ABCB11: variants seen among roughly 807,000 people sequenced by gnomAD.
The protein encoded by ABCB11 is bile salt export pump.
Under a neutral mutation model 148.0 loss-of-function variants are expected in ABCB11, and 95 were observed. The ratio of observed to expected loss-of-function variants is 0.64; its 90% confidence interval spans 0.54 to 0.76. The LOEUF is 0.76. Ranked by LOEUF, ABCB11 falls within the 30% of genes least tolerant of loss-of-function variation. The pLI, the probability that ABCB11 is intolerant of heterozygous loss-of-function variation, is 0.00. For synonymous variants in ABCB11, 591 were observed against 555.4 expected, an observed-to-expected ratio of 1.06 and a Z score of -0.90; for missense variants, 1,523 against 1,617.8, an observed-to-expected ratio of 0.94 and a Z score of 1.01.
chr2:168,951,899 G>A (rs1339750778), intron 19 of ABCB11, among the ~76,000 whole-genome samples: 1 of 151,430 alleles, frequency 6.6e-6, no homozygotes, highest in African/African-American at 2.4e-5. Flanking sequence ...CTTTTATTAT[G>A]TCGAAGTATG....
Position 168,990,939 on chromosome 2 carries a change from A to C in ABCB11, c.784-14T>G. On this transcript the variant is annotated splice_polypyrimidine_tract_variant and intron_variant, in intron 8 of 27. Coordinates refer to ENST00000650372, the MANE Select transcript of ABCB11 (RefSeq NM_003742.4). ...CTTGGACACACTCTAAAAATCAAAA[A>C]GAAGAAAAGAAAATGTGAAGTCCAA... is the stretch of plus-strand genomic sequence containing the variant. The C allele has an allele frequency of 1.2e-6, 2 of 1,608,410 alleles. No individual in the cohort carries two copies. The highest frequency in any genetic ancestry group is 1.7e-6 in the Non-Finnish European group (2 of 1,177,952).
At chr2:169,030,501 C>T (rs913699148) in intron 1 of ABCB11, among the ~76,000 whole-genome samples, 6 of 152,190 alleles carry the variant, frequency 3.9e-5, no homozygotes, top group South Asian at 2.1e-4. Context: ...GGTATAACCA[C>T]TATAATTTGT....
intron 5 of ABCB11, among the ~76,000 whole-genome samples, chr2:169,005,385 G>T (rs944060054): frequency 2.0e-5 from 3 of 152,116 alleles, no homozygotes; most frequent in African/African-American, 7.2e-5. Context: ...TGCTGTGGGG[G>T]ATGGGGGTGT....
chr2:168,989,477 G>A (rs923349444), intron 9 of ABCB11, among the ~76,000 whole-genome samples: 11 of 151,908 alleles, frequency 7.2e-5, no homozygotes, highest in Non-Finnish European at 1.5e-4. Context: ...CTTTTTCACT[G>A]GTCTATGTGT....
At chr2:169,028,963 A>G (rs1005102932) in intron 1 of ABCB11, among the ~76,000 whole-genome samples, 1 of 152,162 alleles carries the variant, frequency 6.6e-6, no homozygotes, top group Non-Finnish European at 1.5e-5. Context: ...TTCCACATTC[A>G]GGCCAAGATG....
intron 1 of ABCB11, among the ~76,000 whole-genome samples, chr2:169,019,520 A>G (rs1023981212): frequency 5.3e-5 from 8 of 152,196 alleles, no homozygotes; most frequent in African/African-American, 1.9e-4. Flanking sequence ...CAAGTCCTAC[A>G]GTTGGCTTGC....
chr2:169,027,316 C>T (rs1460640048), intron 1 of ABCB11, among the ~76,000 whole-genome samples: 1 of 152,120 alleles, frequency 6.6e-6, no homozygotes, highest in Non-Finnish European at 1.5e-5. Context: ...ATAGAATCCC[C>T]CAAGAATTCT....
intron 19 of ABCB11, 101 bp downstream of exon 19, chr2:168,957,859 GAACT>G: frequency 9.0e-7 from 1 of 1,115,508 alleles, no homozygotes; most frequent in Non-Finnish European, 1.2e-6. Context: ...TGAGAAAAAT[GAACT>G]AACAGAAAAG....
chr2:169,030,713 A>ATT (rs4148767), intron 1 of ABCB11, among the ~76,000 whole-genome samples: 53 of 150,992 alleles, frequency 3.5e-4, no homozygotes, highest in African/African-American at 9.0e-4. Flanking sequence ...TCCACAGCTC[A>ATT]TTTTTTTTTG....
chr2:168,981,574 G>T (rs942560954), intron 10 of ABCB11, among the ~76,000 whole-genome samples: 28 of 152,142 alleles, frequency 1.8e-4, no homozygotes, highest in Non-Finnish European at 3.5e-4. Context: ...TGCTGACAGT[G>T]AAGAAAGTAT....
intron 26 of ABCB11, 115 bp from the exon 27 acceptor site, chr2:168,924,918 A>C: frequency 1.2e-6 from 1 of 804,824 alleles, no homozygotes. Flanking sequence ...TGAACTAGGG[A>C]ACAGTGAGTG....
intron 19 of ABCB11, among the ~76,000 whole-genome samples, chr2:168,953,820 G>A (rs1423569700): frequency 6.6e-6 from 1 of 151,618 alleles, no homozygotes; most frequent in Non-Finnish European, 1.5e-5. Flanking sequence ...AGGGATGCCT[G>A]ATTGCCTCCT....
At chr2:168,985,003 G>C (rs1694264979) in intron 10 of ABCB11, among the ~76,000 whole-genome samples, 1 of 150,596 alleles carries the variant, frequency 6.6e-6, no homozygotes, top group Admixed American at 6.6e-5. Context: ...CAACCCACAG[G>C]ATGGGAGAAA....
At chr2:168,993,163 A>G (rs11899077) in intron 8 of ABCB11, among the ~76,000 whole-genome samples, 9,125 of 152,026 alleles carry the variant, frequency 0.06, 920 homozygotes, top group African/African-American at 0.21. Context: ...GAAATGGAGA[A>G]CACAGTTGTG....
At chr2:168,968,527 C>T (rs759971868) in intron 16 of ABCB11, 37 bp from the exon 17 acceptor site, 1 of 1,544,504 alleles carries the variant, frequency 6.5e-7, no homozygotes, top group Middle Eastern at 1.7e-4. Context: ...TTAGTATATA[C>T]AATAAACAGA....
chr2:168,943,009 C>A (rs937306382), intron 21 of ABCB11, among the ~76,000 whole-genome samples: 25 of 151,878 alleles, frequency 1.6e-4, no homozygotes, highest in African/African-American at 5.8e-4. Context: ...ATAAGTTTGA[C>A]CTGGGCTAGC....
At chr2:168,996,777 G>T in intron 5 of ABCB11, 55 bp from the exon 6 acceptor site, 1 of 1,039,736 alleles carries the variant, frequency 9.6e-7, no homozygotes, top group Non-Finnish European at 1.4e-6. Flanking sequence ...AGCCACCAGA[G>T]ATTACATTTG....
At chr2:168,932,186 G>A (rs890720034) in intron 24 of ABCB11, among the ~76,000 whole-genome samples, 191 bp downstream of exon 24, 6 of 152,052 alleles carry the variant, frequency 3.9e-5, no homozygotes, top group African/African-American at 1.2e-4. Context: ...AGGCCCCGGT[G>A]TGTGATGTTC....
At chr2:168,964,973 C>T (rs778670073) in intron 17 of ABCB11, among the ~76,000 whole-genome samples, 1 of 151,784 alleles carries the variant, frequency 6.6e-6, no homozygotes, top group African/African-American at 2.4e-5. Flanking sequence ...TAACAGATTT[C>T]TCCTTCAAAA....
Sources: gnomAD v4.1 joint callset for allele counts (sites outside exome capture counted in the v4.1 genomes callset) on GRCh38, gnomAD v4.1.1 for gene constraint, MANE v1.5 for transcripts, NCBI Gene and HGNC (gene_info 2026-07-23, HGNC 2026-07-21) for gene names.